The following GPR158 variants were observed in gnomAD, a reference collection of about 807,000 sequenced individuals.
GPR158 encodes G protein-coupled receptor 158, also known as metabotropic glycine receptor.
A neutral mutation model predicts 78.2 loss-of-function variants in GPR158; 30 were observed. The observed-to-expected ratio is 0.38, with a 90% CI of 0.29 to 0.52. The LOEUF (loss-of-function observed/expected upper bound fraction) is 0.52. Ranked by LOEUF, GPR158 falls within the 20% of genes least tolerant of loss-of-function variation. The pLI, the probability that GPR158 is intolerant of heterozygous loss-of-function variation, is 0.83. For missense variants in GPR158, 1,463 were observed against 1,523.5 expected (o/e 0.96, Z 0.66); for synonymous variants, 581 against 591.1 (o/e 0.98, Z 0.25).
chr10:25,585,321 TC>T (rs1240924522), intron 7 of GPR158, among the ~76,000 whole-genome samples: 3 of 152,308 alleles, frequency 2.0e-5, no homozygotes, highest in Non-Finnish European at 4.4e-5. Context: ...ATCTACATTG[TC>T]CCAGTACTGT....
At chr10:25,585,929 C>A (rs2152212) in intron 7 of GPR158, among the ~76,000 whole-genome samples, 152,253 of 152,296 alleles carry the variant, frequency 1, 76,105 homozygotes, top group Middle Eastern at 1. Flanking sequence ...CAGTGTGCCA[C>A]GATCGTGCCA....
intron 4 of GPR158, among the ~76,000 whole-genome samples, chr10:25,462,403 T>G (rs894970974): frequency 2.0e-5 from 3 of 152,190 alleles, no homozygotes; most frequent in African/African-American, 4.8e-5. Context: ...ATTAATGTTG[T>G]TTTCATGCCC....
chr10:25,279,661 C>G (rs1195964147), intron 2 of GPR158, among the ~76,000 whole-genome samples: 2 of 152,128 alleles, frequency 1.3e-5, no homozygotes, highest in Non-Finnish European at 2.9e-5. Flanking sequence ...CGCAGCTACA[C>G]AGCTAGAGAA....
At chr10:25,582,627 A>G (rs983267507) in intron 7 of GPR158, among the ~76,000 whole-genome samples, 1 of 152,176 alleles carries the variant, frequency 6.6e-6, no homozygotes, top group African/African-American at 2.4e-5. Context: ...TACTGTTGGT[A>G]TGATTGACTG....
intron 2 of GPR158, among the ~76,000 whole-genome samples, chr10:25,371,509 T>C (rs900164837): frequency 2.0e-5 from 3 of 151,170 alleles, no homozygotes; most frequent in Admixed American, 2.0e-4. Context: ...AAAACAGAGA[T>C]ATAAATCAAT....
intron 2 of GPR158, among the ~76,000 whole-genome samples, chr10:25,282,270 C>T (rs1326245230): frequency 2.6e-5 from 4 of 152,116 alleles, no homozygotes; most frequent in Non-Finnish European, 5.9e-5. Context: ...TATCATAATC[C>T]ATGAGATATT....
At chr10:25,404,730 AG>A (rs1471111353) in intron 3 of GPR158, among the ~76,000 whole-genome samples, 1 of 152,144 alleles carries the variant, frequency 6.6e-6, no homozygotes. Context: ...GAGGGCTCAC[AG>A]TTTCTTTTCA....
intron 5 of GPR158, among the ~76,000 whole-genome samples, chr10:25,471,885 G>A (rs936355738): frequency 1.3e-5 from 2 of 152,142 alleles, no homozygotes; most frequent in Admixed American, 6.5e-5. Context: ...TGAGTAGGTT[G>A]CGAAAATTTT....
intron 2 of GPR158, among the ~76,000 whole-genome samples, chr10:25,372,421 C>T (rs7089441): frequency 0.8 from 114,575 of 143,612 alleles, 46,725 homozygotes; most frequent in Non-Finnish European, 0.86. Context: ...ATGTTTATTG[C>T]GGCATTATTC....
At chr10:25,385,773 C>A (rs112089591) in intron 2 of GPR158, among the ~76,000 whole-genome samples, 1,645 of 152,050 alleles carry the variant, frequency 0.011, 8 homozygotes, top group Non-Finnish European at 0.016. Context: ...ATTTTCCTTG[C>A]AGAAATTTGC....
At chr10:25,478,149 C>G (rs897953812) in intron 5 of GPR158, among the ~76,000 whole-genome samples, 19 of 152,134 alleles carry the variant, frequency 1.2e-4, no homozygotes, top group African/African-American at 2.4e-5. Context: ...GTATGAGGAA[C>G]TAACCAATAA....
At chr10:25,185,909 C>T (rs370233583) in intron 1 of GPR158, among the ~76,000 whole-genome samples, 1 of 152,142 alleles carries the variant, frequency 6.6e-6, no homozygotes, top group East Asian at 1.9e-4. Flanking sequence ...TACCCCAAAA[C>T]AACAGAATAT....
At chr10:25,277,096 C>T (rs1413149220) in intron 2 of GPR158, among the ~76,000 whole-genome samples, 1 of 151,904 alleles carries the variant, frequency 6.6e-6, no homozygotes, top group East Asian at 1.9e-4. Flanking sequence ...ACTACAGACA[C>T]ATGCCACCAT....
intron 5 of GPR158, among the ~76,000 whole-genome samples, chr10:25,483,705 A>G (rs904719458): frequency 6.6e-6 from 1 of 152,174 alleles, no homozygotes; most frequent in Non-Finnish European, 1.5e-5. Context: ...TTGTTAAATA[A>G]TGAACATTTT....
At chr10:25,470,050 A>G (rs1289090532) in intron 5 of GPR158, among the ~76,000 whole-genome samples, 1 of 152,154 alleles carries the variant, frequency 6.6e-6, no homozygotes, top group African/African-American at 2.4e-5. Context: ...GTAAAAGCCA[A>G]CATCCTTCCT....
intron 4 of GPR158, among the ~76,000 whole-genome samples, chr10:25,422,533 G>T (rs1353848026): frequency 6.6e-6 from 1 of 151,272 alleles, no homozygotes; most frequent in Non-Finnish European, 1.5e-5. Context: ...TGCCAAAATG[G>T]TTGGAAACTG....
chr10:25,200,863 G>GTTTTTTTTT (rs1209435056), intron 1 of GPR158, among the ~76,000 whole-genome samples: 2 of 84,502 alleles, frequency 2.4e-5, no homozygotes, highest in South Asian at 9.1e-4. Context: ...TCTGTTTTTT[G>GTTTTTTTTT]TTTTGTTTTT....
At chr10:25,574,643 T>G (rs1193955885) in intron 7 of GPR158, among the ~76,000 whole-genome samples, 2 of 152,124 alleles carry the variant, frequency 1.3e-5, no homozygotes, top group African/African-American at 2.4e-5. Context: ...TCCCAGCACT[T>G]TGGGAGGCCG....
At chr10:25,540,757 A>C (rs1469424848) in intron 5 of GPR158, among the ~76,000 whole-genome samples, 1 of 151,564 alleles carries the variant, frequency 6.6e-6, no homozygotes, top group East Asian at 1.9e-4. Flanking sequence ...ACACTTGGAC[A>C]CAGGAAGGGG....
Sources: allele counts gnomAD v4.1 joint callset (sites outside exome capture counted in the v4.1 genomes callset), GRCh38; gene constraint gnomAD v4.1.1; transcripts MANE v1.5; gene names NCBI Gene and HGNC (gene_info 2026-07-23, HGNC 2026-07-21).